The following ASTN2 variants were observed in gnomAD, a reference collection of about 807,000 sequenced individuals.
ASTN2 encodes the protein astrotactin 2.
In ASTN2, 54 loss-of-function variants were observed where a neutral mutation model predicts 139.8. That is an observed-to-expected ratio of 0.39 (90% confidence interval 0.31 to 0.48). ASTN2 has a LOEUF of 0.48. Among genes scored for constraint, ASTN2 ranks in the 20% least tolerant of loss-of-function variants. The pLI, the probability that ASTN2 is intolerant of heterozygous loss-of-function variation, is 0.95. For missense variants in ASTN2, 1,565 were observed against 1,725.1 expected (o/e 0.91, Z 1.64); for synonymous variants, 756 against 719.5 (o/e 1.05, Z -0.81).
At chr9:116,674,164 C>T (rs2131996895) in intron 16 of ASTN2, among the ~76,000 whole-genome samples, 1 of 152,284 alleles carries the variant, frequency 6.6e-6, no homozygotes, top group East Asian at 1.9e-4. Context: ...CTGACCCTCC[C>T]TAAACTGCTC....
intron 4 of ASTN2, among the ~76,000 whole-genome samples, chr9:117,114,912 A>C (rs1318228882): frequency 1.3e-5 from 2 of 152,064 alleles, no homozygotes; most frequent in Non-Finnish European, 2.9e-5. Context: ...TTAGCCAACA[A>C]CTGCACCCAT....
At chr9:117,209,237 C>G (rs1446914504) in intron 3 of ASTN2, among the ~76,000 whole-genome samples, 1 of 151,936 alleles carries the variant, frequency 6.6e-6, no homozygotes, top group Non-Finnish European at 1.5e-5. Context: ...AACTAAATTC[C>G]CCATTAAGAA....
chr9:117,356,503 A>G (rs1829542627), intron 1 of ASTN2, among the ~76,000 whole-genome samples: 1 of 152,234 alleles, frequency 6.6e-6, no homozygotes, highest in Non-Finnish European at 1.5e-5. Context: ...ACTGAGGAGC[A>G]AGAGCAGTGC....
chr9:116,534,838 T>C (rs1195374646), intron 19 of ASTN2, among the ~76,000 whole-genome samples: 2 of 152,216 alleles, frequency 1.3e-5, no homozygotes, highest in Non-Finnish European at 2.9e-5. Context: ...GTATATTCTG[T>C]TGACTTGGGG....
intron 7 of ASTN2, among the ~76,000 whole-genome samples, chr9:117,006,278 T>C (rs944332007): frequency 1.1e-4 from 16 of 152,150 alleles, no homozygotes; most frequent in African/African-American, 3.4e-4. Context: ...AGTAGTCATC[T>C]TGAACTTACA....
Position 117,252,780 on chromosome 9 carries a change from G to A in ASTN2, c.631-38038C>T, listed in dbSNP as rs151314967. Reference sequence around the variant, plus strand: ...TGTGGGAACATGTATTTAAACCCACGTCAAGATTTTGCCAAAGCCCTTTTT... The same window carrying A: ...TGTGGGAACATGTATTTAAACCCACATCAAGATTTTGCCAAAGCCCTTTTT... On this transcript the variant is annotated intron_variant, in intron 2 of 22. Transcript: ENST00000313400. Among the ~76,000 whole-genome samples, 68 of 152,256 alleles carry A rather than the reference G, an allele frequency of 4.5e-4. 1 individual carries two copies. The highest frequency in any genetic ancestry group is 1.5e-3 in the East Asian group (8 of 5,166).
intron 13 of ASTN2, among the ~76,000 whole-genome samples, chr9:116,746,803 C>T (rs942891821): frequency 1.3e-5 from 2 of 152,108 alleles, no homozygotes; most frequent in Admixed American, 6.5e-5. Flanking sequence ...TCCCAGTCAC[C>T]CTCTGTCTCC....
intron 5 of ASTN2, among the ~76,000 whole-genome samples, chr9:117,065,804 T>C (rs1827920694): frequency 6.6e-6 from 1 of 152,044 alleles, no homozygotes; most frequent in African/African-American, 2.4e-5. Context: ...GAGACTCAGG[T>C]TTTCAGGCCC....
chr9:116,662,973 T>A (rs1159950294), intron 16 of ASTN2, among the ~76,000 whole-genome samples: 1 of 152,200 alleles, frequency 6.6e-6, no homozygotes, highest in Non-Finnish European at 1.5e-5. Context: ...CCAAAGGAGC[T>A]GAGATGGATC....
At chr9:117,130,045 G>A (rs936187453) in intron 4 of ASTN2, among the ~76,000 whole-genome samples, 1 of 152,126 alleles carries the variant, frequency 6.6e-6, no homozygotes, top group African/African-American at 2.4e-5. Context: ...GGTGGCACAC[G>A]CCTGTAATCC....
intron 13 of ASTN2, among the ~76,000 whole-genome samples, chr9:116,801,811 G>T (rs1478891288): frequency 6.6e-6 from 1 of 151,940 alleles, no homozygotes; most frequent in Non-Finnish European, 1.5e-5. Context: ...GGAATAGATT[G>T]CTCTAATATA....
intron 7 of ASTN2, 125 bp downstream of exon 7, chr9:117,007,967 G>A: frequency 9.5e-7 from 1 of 1,047,356 alleles, no homozygotes; most frequent in Non-Finnish European, 1.3e-6. Context: ...TAGATTGATG[G>A]GCCTTCTTAT....
chr9:117,080,871 A>C (rs943152722), intron 5 of ASTN2, among the ~76,000 whole-genome samples: 1 of 152,134 alleles, frequency 6.6e-6, no homozygotes, highest in Non-Finnish European at 1.5e-5. Flanking sequence ...TAGAATCTAC[A>C]ATGTGTATTA....
chr9:117,127,015 A>G (rs922295942), intron 4 of ASTN2, among the ~76,000 whole-genome samples: 1 of 152,210 alleles, frequency 6.6e-6, no homozygotes, highest in African/African-American at 2.4e-5. Flanking sequence ...CAGCAGCCCT[A>G]AAGAGCAGTT....
At chr9:117,181,511 T>C (rs1307515776) in intron 3 of ASTN2, among the ~76,000 whole-genome samples, 1 of 152,118 alleles carries the variant, frequency 6.6e-6, no homozygotes, top group African/African-American at 2.4e-5. Context: ...ACTTTGTAAA[T>C]GGCCACCGAG....
intron 10 of ASTN2, among the ~76,000 whole-genome samples, chr9:116,897,535 T>G (rs1246523732): frequency 2.6e-5 from 4 of 152,222 alleles, no homozygotes; most frequent in African/African-American, 9.6e-5. Context: ...ATGCACTAAG[T>G]GATCACTGAG....
chr9:116,430,070 C>A (rs1375767656), intron 22 of ASTN2, among the ~76,000 whole-genome samples: 1 of 152,062 alleles, frequency 6.6e-6, no homozygotes, highest in Non-Finnish European at 1.5e-5. Flanking sequence ...TCTTCCAAGC[C>A]ATGATGTAGT....
chr9:116,805,493 T>C, intron 13 of ASTN2, 139 bp downstream of exon 13: 2 of 767,558 alleles, frequency 2.6e-6, no homozygotes. Context: ...TCCACACTCC[T>C]TAAGAGGGTA....
chr9:117,392,580 G>A (rs1179871116), intron 1 of ASTN2, among the ~76,000 whole-genome samples: 2 of 152,142 alleles, frequency 1.3e-5, no homozygotes, highest in African/African-American at 4.8e-5. Context: ...AGGCCTTTAA[G>A]GTCAAACTCA....
Sources: allele counts gnomAD v4.1 joint callset (sites outside exome capture counted in the v4.1 genomes callset), GRCh38; gene constraint gnomAD v4.1.1; transcripts MANE v1.5; gene names NCBI Gene and HGNC (gene_info 2026-07-23, HGNC 2026-07-21).